MYCBP2: variants seen among roughly 807,000 people sequenced by gnomAD.
The protein encoded by MYCBP2 is MYC binding protein 2, also known as E3 ubiquitin-protein ligase MYCBP2.
MYCBP2 carries 120 observed loss-of-function variants against 525.3 expected under a neutral mutation model. That is an observed-to-expected ratio of 0.23 (90% CI 0.20 to 0.27). The LOEUF (loss-of-function observed/expected upper bound fraction) is 0.27, where lower values mean the gene tolerates loss of function less well. Ranked by LOEUF, MYCBP2 falls within the 10% of genes least tolerant of loss-of-function variation. The probability of loss-of-function intolerance (pLI) is 1.00; values close to 1 mark genes in which losing one functional copy is unlikely to be tolerated. For synonymous variants in MYCBP2, 1,894 were observed against 1,955.8 expected (o/e 0.97, Z 0.83); for missense variants, 4,149 against 5,657.1 (o/e 0.73, Z 8.55).
At chr13:77,051,480 C>T (rs1422608582) in intron 81 of MYCBP2, among the ~76,000 whole-genome samples, 1 of 152,154 alleles carries the variant, frequency 6.6e-6, no homozygotes, top group African/African-American at 2.4e-5. Context: ...ATTAACCTCT[C>T]TTATAATCTC....
intron 63 of MYCBP2, 157 bp from the exon 64 acceptor site, chr13:77,082,150 T>A: frequency 1.6e-6 from 1 of 636,184 alleles, no homozygotes; most frequent in Non-Finnish European, 2.5e-6. Flanking sequence ...ATTCCTATTG[T>A]TTTTGTTTTT....
chr13:77,166,519 G>T lies in MYCBP2; in HGVS notation c.6150C>A (p.Ile2050=). ...CAGTACCACACTGAGGGTCAAATTCGATTGTCATCCACCTCACACATTCTG... is the reference window on the plus strand; with the variant it reads ...CAGTACCACACTGAGGGTCAAATTCTATTGTCATCCACCTCACACATTCTG... ...TFPECVRWMT[I]EFDPQCGTAQ... The change falls in exon 41 of 83, where the codon ATC becomes ATA. Residue 2050 remains isoleucine (I), a synonymous_variant. Coordinates refer to ENST00000544440, the MANE Select transcript of MYCBP2 (RefSeq NM_015057.5). 1 of 1,613,160 alleles carries T rather than the reference G, an allele frequency of 6.2e-7. No individual in the cohort carries two copies. Among genetic ancestry groups the T allele is most frequent in the Non-Finnish European group, 8.5e-7 (1 of 1,179,576 alleles).
In MYCBP2 at chr13:77,206,742, G is replaced by A; in HGVS notation, c.3500C>T (p.Ser1167Phe). 1.2e-6 allele frequency: 2 copies of A among 1,612,998 alleles called. No homozygotes were observed. Among genetic ancestry groups the A allele is most frequent in the Non-Finnish European group, 1.7e-6 (2 of 1,179,354 alleles). ...ARLPSAADMQ[S>F]RCSILSPELA... ...TTCAGGACTTAGGATACTACATCTG[G>A]ACTGCATGTCTGCTGCAGAGGGAAG... The change falls in exon 24 of 83, where the codon TCC becomes TTC. Residue 1167 changes from serine (S) to phenylalanine (F), a missense_variant. Around this residue, in one of 21 missense-constraint regions of MYCBP2, gnomAD observed 620 missense variants for 795.5 expected, o/e 0.78. Coordinates refer to ENST00000544440, the MANE Select transcript of MYCBP2 (RefSeq NM_015057.5).
At chr13:77,093,786 A>G (rs2045806198) in intron 58 of MYCBP2, among the ~76,000 whole-genome samples, 1 of 152,166 alleles carries the variant, frequency 6.6e-6, no homozygotes, top group African/African-American at 2.4e-5. Flanking sequence ...CCACTGAAAT[A>G]CAAGCAGTTA....
At position 77,131,517 on chromosome 13, in the gene MYCBP2, A is replaced by ACAC. The variant is rs1566645644; in HGVS notation, c.7660-4976_7660-4975insGTG. ...ACACACACACACACACACACAAACA[A>ACAC]ACACACACACACACACACACACACT... On this transcript the variant is annotated intron_variant, in intron 52 of 82. Transcript: ENST00000544440. Among the ~76,000 whole-genome samples, 841 of 146,592 alleles carry ACAC rather than the reference A, an allele frequency of 5.7e-3. 5 individuals are homozygous for ACAC. The highest frequency in any genetic ancestry group is 0.02 in the African/African-American group (782 of 40,080).
intron 60 of MYCBP2, among the ~76,000 whole-genome samples, chr13:77,089,260 C>G (rs1442309971): frequency 6.6e-6 from 1 of 152,050 alleles, no homozygotes; most frequent in Non-Finnish European, 1.5e-5. Context: ...TGAATCAGAG[C>G]TGAATCTAAA....
intron 69 of MYCBP2, among the ~76,000 whole-genome samples, chr13:77,069,874 A>G (rs2040876388): frequency 6.6e-6 from 1 of 152,032 alleles, no homozygotes; most frequent in Admixed American, 6.5e-5. Context: ...TCTCGAAAAA[A>G]AAAAAAGTTA....
intron 4 of MYCBP2, among the ~76,000 whole-genome samples, chr13:77,277,174 A>G (rs1029409401): frequency 6.6e-6 from 1 of 152,202 alleles, no homozygotes; most frequent in Non-Finnish European, 1.5e-5. Context: ...ACGACATCCA[A>G]GTCTTCGCGG....
intron 24 of MYCBP2, 115 bp from the exon 25 acceptor site, chr13:77,205,713 C>T (rs1260494498): frequency 2.0e-5 from 17 of 857,162 alleles, no homozygotes; most frequent in Non-Finnish European, 2.9e-5. Context: ...AATGTTACTC[C>T]AAGCTTTAAA....
chr13:77,077,431 A>G, intron 66 of MYCBP2, 44 bp from the exon 67 acceptor site: 1 of 1,607,702 alleles, frequency 6.2e-7, no homozygotes, highest in Non-Finnish European at 8.5e-7. Context: ...CAGCTGGATC[A>G]CTTTTATCAC....
At chr13:77,258,962 T>C (rs549471203) in intron 13 of MYCBP2, among the ~76,000 whole-genome samples, 25 of 152,202 alleles carry the variant, frequency 1.6e-4, no homozygotes, top group African/African-American at 6.0e-4. Context: ...ATTAAAAGCG[T>C]TGGTGCCAAG....
At chr13:77,064,395 AAAC>A (rs2039863109) in intron 73 of MYCBP2, among the ~76,000 whole-genome samples, 1 of 152,252 alleles carries the variant, frequency 6.6e-6, no homozygotes, top group Non-Finnish European at 1.5e-5. Flanking sequence ...TTGGCTTCCT[AAAC>A]AATAACAAAA....
chr13:77,326,720 C>T lies in MYCBP2; in HGVS notation c.56G>A (p.Gly19Glu). 7.1e-7 allele frequency: 1 copy of T among 1,411,824 alleles called. No homozygotes were observed. Among genetic ancestry groups the T allele is most frequent in the Non-Finnish European group, 9.1e-7 (1 of 1,095,888 alleles). 87.5% of individuals were successfully genotyped at this position (1,411,824 alleles called of 1,614,324 possible). Reference sequence around the variant, plus strand: ...GGTGGCGGCTGGGTAGAATCCGTCCCCGCCGAGCCCCGAGGAGGCGGCGGC... The same window carrying T: ...GGTGGCGGCTGGGTAGAATCCGTCCTCGCCGAGCCCCGAGGAGGCGGCGGC... ...SPAAASSGLGGDGFYPAATFS... is the reference protein window; with the variant it reads ...SPAAASSGLGEDGFYPAATFS... The change falls in exon 1 of 83, where the codon GGG becomes GAG. Residue 19 changes from glycine (G) to glutamate (E), a missense_variant. By Grantham distance (98) the Gly-to-Glu change is moderately conservative (BLOSUM62 -2). Around this residue, in one of 21 missense-constraint regions of MYCBP2, gnomAD observed 413 missense variants for 451.2 expected, o/e 0.92. Transcript: ENST00000544440. The surrounding 1 kb of genome is among the most constrained non-coding windows in gnomAD (Gnocchi z 4.2).
chr13:77,286,954 G>A (rs1411018503), intron 3 of MYCBP2, among the ~76,000 whole-genome samples: 1 of 148,292 alleles, frequency 6.7e-6, no homozygotes, highest in African/African-American at 2.5e-5. Context: ...GCGCCATCTC[G>A]GCTCACTGCA....
rs35357585 is a variant in MYCBP2, at chr13:77,185,032, C to CA, written c.4719+70dup. The CA allele has an allele frequency of 4.2e-3, 5,739 of 1,361,940 alleles. 203 individuals are homozygous for CA. The African/African-American group carries it at 0.071, about 17-fold the overall frequency. 84.4% of individuals were successfully genotyped at this position (1,361,940 alleles called of 1,614,324 possible). A position where few individuals can be genotyped will look rare whatever the true frequency, so the allele number is the denominator to read the frequency against. ...ACAAGTTAAGAAGATATGGCAACTG[C>CA]AATTTATTTTCTTGAAGAGTATTAA... is the stretch of plus-strand genomic sequence containing the variant. On this transcript the variant is annotated intron_variant, in intron 32 of 82. Transcript: ENST00000544440.
intron 26 of MYCBP2, among the ~76,000 whole-genome samples, chr13:77,200,494 C>A (rs1593796957): frequency 6.6e-6 from 1 of 151,882 alleles, no homozygotes; most frequent in East Asian, 1.9e-4. Flanking sequence ...GAGAACTTCC[C>A]CAATCTAGCA....
At chr13:77,297,977 T>C (rs950699745) in intron 1 of MYCBP2, among the ~76,000 whole-genome samples, 9 of 152,176 alleles carry the variant, frequency 5.9e-5, no homozygotes, top group African/African-American at 2.2e-4. Flanking sequence ...CTAACTCAAC[T>C]TTTAAAGACA....
intron 82 of MYCBP2, among the ~76,000 whole-genome samples, chr13:77,046,783 A>G (rs1373311142): frequency 2.0e-5 from 3 of 152,252 alleles, no homozygotes; most frequent in Non-Finnish European, 4.4e-5. Context: ...ATGCAGGCAC[A>G]GACCTCAGGA....
At chr13:77,224,619 C>A in intron 19 of MYCBP2, 87 bp from the exon 20 acceptor site, 1 of 769,886 alleles carries the variant, frequency 1.3e-6, no homozygotes. Flanking sequence ...GTAATTTTCA[C>A]TATTTAAGAT....
Sources: allele counts gnomAD v4.1 joint callset (sites outside exome capture counted in the v4.1 genomes callset), GRCh38; gene constraint gnomAD v4.1.1; regional missense constraint gnomAD v4.1.1; non-coding constraint Gnocchi (gnomAD v3.1); transcripts MANE v1.5; gene names NCBI Gene and HGNC (gene_info 2026-07-23, HGNC 2026-07-21).